GRK6: variants seen among roughly 807,000 people sequenced by gnomAD.
GRK6 encodes G protein-coupled receptor kinase 6.
A neutral mutation model predicts 80.8 loss-of-function variants in GRK6; 37 were observed. The observed-to-expected ratio is 0.46, with a 90% CI of 0.35 to 0.60. GRK6 has a LOEUF of 0.60. Ranked by LOEUF, GRK6 falls within the 20% of genes least tolerant of loss-of-function variation. The pLI, the probability that GRK6 is intolerant of heterozygous loss-of-function variation, is 0.00. For synonymous variants in GRK6, 295 were observed against 320.9 expected (o/e 0.92, Z 0.86); for missense variants, 560 against 784.6 (o/e 0.71, Z 3.42).
At position 177,434,989 on chromosome 5, in the gene GRK6, C is replaced by G. The variant is rs770753491; in HGVS notation, c.968-43C>G. The G allele has an allele frequency of 3.1e-6, 5 of 1,613,030 alleles. No homozygotes were observed. The African/African-American group carries it at 5.4e-5, about 17-fold the overall frequency. On this transcript the variant is annotated intron_variant, in intron 10 of 15. Transcript: ENST00000355472. ...TCAGGGTGGGGTGAGATGCAGAGGCCTGGCCTGTTAACGGGTCCACCTGTT... is the reference window on the plus strand; with the variant it reads ...TCAGGGTGGGGTGAGATGCAGAGGCGTGGCCTGTTAACGGGTCCACCTGTT...
chr5:177,441,229 T>C (rs370459630), intron 15 of GRK6, 176 bp downstream of exon 15: 22 of 1,545,194 alleles, frequency 1.4e-5, no homozygotes, highest in Middle Eastern at 3.3e-4. Context: ...GCTCATGGCC[T>C]CTTTTCTCTT....
At chr5:177,441,204 C>T (rs758095057) in intron 15 of GRK6, 151 bp downstream of exon 15, 15 of 1,486,384 alleles carry the variant, frequency 1.0e-5, no homozygotes, top group Admixed American at 3.7e-5. Context: ...CCGCCTGTCC[C>T]CCACCCCTGG....
At chr5:177,434,151 C>A in intron 9 of GRK6, 47 bp downstream of exon 9, 4 of 1,476,004 alleles carry the variant, frequency 2.7e-6, no homozygotes, top group Non-Finnish European at 3.6e-6. Context: ...TCCCTGCCAG[C>A]GACTGCAGCT....
intron 9 of GRK6, 42 bp from the exon 10 acceptor site, chr5:177,434,860 G>A: frequency 6.2e-7 from 1 of 1,609,732 alleles, no homozygotes; most frequent in Non-Finnish European, 8.5e-7. Context: ...TGACTCCCTG[G>A]CAAACTGAGC....
upstream of GRK6, chr5:177,426,519 T>A (rs1763675350): frequency 1.3e-5 from 2 of 152,022 alleles, no homozygotes; most frequent in Non-Finnish European, 2.9e-5. Flanking sequence ...CCCGTACTTC[T>A]TTGAGCGAGT....
At chr5:177,434,837 G>A (rs534201652) in intron 9 of GRK6, 65 bp from the exon 10 acceptor site, 28 of 1,588,566 alleles carry the variant, frequency 1.8e-5, no homozygotes, top group Non-Finnish European at 2.3e-5. Flanking sequence ...GAGCTGGGGG[G>A]GCTGGCCCCT....
At chr5:177,438,897 G>T (rs1764313664) in intron 13 of GRK6, 1 of 152,218 alleles carries the variant, frequency 6.6e-6, no homozygotes, top group Admixed American at 6.5e-5. Context: ...CAGGTCATAT[G>T]GTAACTATGT....
intron 2 of GRK6, 22 bp from the exon 3 acceptor site, chr5:177,431,973 C>T: frequency 1.9e-6 from 3 of 1,606,312 alleles, no homozygotes; most frequent in Non-Finnish European, 2.6e-6. Flanking sequence ...GTGGACCCAG[C>T]AGCTTCCATC....
In GRK6 at chr5:177,436,140, G is replaced by C. The variant is rs376354893; in HGVS notation, c.1125G>C (p.Leu375=). 6.2e-7 allele frequency: 1 copy of C among 1,614,016 alleles called. No homozygotes were observed. Among genetic ancestry groups the C allele is most frequent in the East Asian group, 2.2e-5 (1 of 44,896 alleles). Residue 375 remains leucine, a synonymous_variant, in exon 12 of 16, where the codon CTG becomes CTC. Coordinates refer to ENST00000355472, the MANE Select transcript of GRK6 (RefSeq NM_001004106.3). ...SPDWWALGCL[L]YEMIAGQSPF... is the part of the protein sequence containing the mutation. ...ACTGGTGGGCGCTCGGCTGCCTCCT[G>C]TACGAGATGATCGCAGGCCAGTCGC...
chr5:177,434,874 A>C, intron 9 of GRK6, 28 bp from the exon 10 acceptor site: 1 of 1,612,996 alleles, frequency 6.2e-7, no homozygotes, highest in Non-Finnish European at 8.5e-7. Context: ...ACTGAGCAGC[A>C]TCTGACCCTG....
At chr5:177,434,403 A>C (rs1764045669) in intron 9 of GRK6, among the ~76,000 whole-genome samples, 1 of 152,122 alleles carries the variant, frequency 6.6e-6, no homozygotes, top group South Asian at 2.1e-4. Flanking sequence ...GGAAGCAGAG[A>C]CTATAATTCC....
rs746667412 is a variant in GRK6 at position 177,433,684 on chromosome 5, CAGA to C, written c.738+11_738+13del. The stretch of plus-strand genomic sequence containing the variant: ...GTGAACAGTAGGTTTGTAGTAAGTA[CAGA>C]AGGAGACTCTCCCTTCCCCTTGGCC... On this transcript the variant is annotated intron_variant, in intron 8 of 15. Coordinates refer to ENST00000355472, the MANE Select transcript of GRK6 (RefSeq NM_001004106.3). 18 of 1,613,622 alleles carry C rather than the reference CAGA, an allele frequency of 1.1e-5. No individual in the cohort carries two copies. The highest frequency in any genetic ancestry group is 6.7e-5 in the Admixed American group (4 of 59,994).
intron 8 of GRK6, 87 bp from the exon 9 acceptor site, chr5:177,433,827 A>T: frequency 6.7e-7 from 1 of 1,484,588 alleles, no homozygotes. Flanking sequence ...GGGCCCAAGG[A>T]GTGGCACCGA....
intron 7 of GRK6, 62 bp downstream of exon 7, chr5:177,433,472 C>T: frequency 1.2e-6 from 2 of 1,611,526 alleles, no homozygotes; most frequent in East Asian, 2.2e-5. Context: ...GGACCTGGAC[C>T]ACCCCCTGGA....
In GRK6 at chr5:177,436,355, C is replaced by G. The variant is rs763624680; in HGVS notation, c.1267-38C>G. 6.0e-6 allele frequency: 7 copies of G among 1,175,832 alleles called. No homozygotes were observed. In the South Asian group the frequency reaches 7.2e-5, roughly 12 times the overall value. 72.8% of individuals were successfully genotyped at this position (1,175,832 alleles called of 1,614,324 possible). ...CCTTTCCCTCCCTCCCACCCACTCACCTGCCTGGCCTGCCTGGCCGACTCA... is the reference window on the plus strand; with the variant it reads ...CCTTTCCCTCCCTCCCACCCACTCAGCTGCCTGGCCTGCCTGGCCGACTCA... On this transcript the variant is annotated intron_variant, in intron 12 of 15. Transcript: ENST00000355472.
chr5:177,426,907 C>T lies in GRK6; in HGVS notation c.52+10C>T. On this transcript the variant is annotated intron_variant, in intron 1 of 15. Transcript: ENST00000355472. Reference sequence around the variant, plus strand: ...CTCAAGGCCCGGGAAGGTGAGGCGGCCGGGTGGGCGGCCGGGCCCGGGTGC... The same window carrying T: ...CTCAAGGCCCGGGAAGGTGAGGCGGTCGGGTGGGCGGCCGGGCCCGGGTGC... 2 of 1,382,114 alleles carry T rather than the reference C, an allele frequency of 1.4e-6. No homozygotes were observed. Among genetic ancestry groups the T allele is most frequent in the Non-Finnish European group, 1.9e-6 (2 of 1,061,194 alleles). 85.6% of individuals were successfully genotyped at this position (1,382,114 alleles called of 1,614,324 possible). A position where few individuals can be genotyped will look rare whatever the true frequency, so the allele number is the denominator to read the frequency against.
chr5:177,441,158 G>T, intron 15 of GRK6, 105 bp downstream of exon 15: 2 of 1,510,288 alleles, frequency 1.3e-6, no homozygotes, highest in Non-Finnish European at 1.8e-6. Context: ...GCGTCCTCCA[G>T]TCCTGTTGTG....
chr5:177,441,872 C>T lies in GRK6; in HGVS notation c.*82C>T. 1 of 1,249,630 alleles carries T rather than the reference C, an allele frequency of 8.0e-7. No individual in the cohort carries two copies. Among genetic ancestry groups the T allele is most frequent in the East Asian group, 2.3e-5 (1 of 42,886 alleles). The allele number at this position is 1,249,630 out of a possible 1,614,324, so 77.4% of individuals were successfully genotyped here. The stretch of plus-strand genomic sequence containing the variant: ...TTACAGTTTTGCACAGTGATCTTCC[C>T]CATTGTCCACTCAAGTCGTGGCCTG... On this transcript the variant is annotated 3_prime_UTR_variant, in exon 16 of 16. Transcript: ENST00000355472.
chr5:177,434,214 C>T (rs1335432423), intron 9 of GRK6, 110 bp downstream of exon 9: 12 of 1,122,064 alleles, frequency 1.1e-5, no homozygotes, highest in Non-Finnish European at 1.3e-5. Context: ...TACAGAAGGA[C>T]ATTGGTTTGG....
Sources: allele counts gnomAD v4.1 joint callset (sites outside exome capture counted in the v4.1 genomes callset), GRCh38; gene constraint gnomAD v4.1.1; transcripts MANE v1.5; gene names NCBI Gene and HGNC (gene_info 2026-07-23, HGNC 2026-07-21).